CATSPERE: variants seen among roughly 807,000 people sequenced by gnomAD.
CATSPERE encodes the protein cation channel sperm-associated auxiliary subunit epsilon.
CATSPERE carries 93 observed loss-of-function variants against 114.1 expected under a neutral mutation model. The ratio of observed to expected loss-of-function variants is 0.81; its 90% CI spans 0.69 to 0.97. The LOEUF (loss-of-function observed/expected upper bound fraction) is 0.97. CATSPERE is among the 50% of genes least tolerant of loss of function. The pLI, the probability that CATSPERE is intolerant of heterozygous loss-of-function variation, is 0.00. For synonymous variants in CATSPERE, 341 were observed against 384.1 expected (o/e 0.89, Z 1.31); for missense variants, 1,058 against 1,131.6 (o/e 0.93, Z 0.93).
In CATSPERE at chr1:244,640,264, A is replaced by G; in HGVS notation, c.*183A>G. ...CCAAAATAGAAATGTTTTCATATAT[A>G]TTGTTATTAAATTAATCCTTTGTTT... is the stretch of plus-strand genomic sequence containing the variant. On this transcript the variant is annotated 3_prime_UTR_variant, in exon 22 of 22. Coordinates refer to ENST00000366534, the MANE Select transcript of CATSPERE (RefSeq NM_001130957.2). The G allele has an allele frequency of 2.1e-6, 1 of 468,254 alleles. No homozygotes were observed. The highest frequency in any genetic ancestry group is 3.7e-6 in the Non-Finnish European group (1 of 268,378). The allele number at this position is 468,254 out of a possible 1,614,324, so 29.0% of individuals were successfully genotyped here.
At position 244,462,434 on chromosome 1, in the gene CATSPERE, A is replaced by C. The variant is rs563607219; in HGVS notation, c.65+940A>C. 2.4e-4 allele frequency among the ~76,000 whole-genome samples: 37 copies of C among 152,302 alleles called. No homozygotes were observed. The East Asian group carries it at 7.1e-3, about 29-fold the overall frequency. ...CTCTCCCTAGCCTATCCTTAGCCCC[A>C]GTAGGAGTGAGAAGCTGTTGAGGGA... On this transcript the variant is annotated intron_variant, in intron 1 of 21. Transcript: ENST00000366534.
At chr1:244,485,498 G>T (rs565000690) in intron 5 of CATSPERE, among the ~76,000 whole-genome samples, 1 of 151,704 alleles carries the variant, frequency 6.6e-6, no homozygotes, top group African/African-American at 2.4e-5. Flanking sequence ...TTAAATATTC[G>T]TTCTCCCTTA....
chr1:244,591,555 T>G, intron 14 of CATSPERE, 126 bp from the exon 15 acceptor site: 1 of 575,512 alleles, frequency 1.7e-6, no homozygotes, highest in Non-Finnish European at 3.1e-6. Flanking sequence ...AACCAGAGAT[T>G]CTAATTCAGT....
At chr1:244,630,053 C>CA (rs1257756963) in intron 20 of CATSPERE, among the ~76,000 whole-genome samples, 4 of 152,162 alleles carry the variant, frequency 2.6e-5, no homozygotes. Context: ...ATGATGAAAA[C>CA]AAACTCCATG....
At chr1:244,581,267 T>C (rs1340827857) in intron 11 of CATSPERE, among the ~76,000 whole-genome samples, 1 of 152,208 alleles carries the variant, frequency 6.6e-6, no homozygotes. Context: ...CTCACTGATA[T>C]ATTGTGTCAC....
intron 6 of CATSPERE, among the ~76,000 whole-genome samples, chr1:244,490,809 G>A (rs531220942): frequency 1.9e-4 from 29 of 151,708 alleles, no homozygotes; most frequent in Admixed American, 1.6e-3. Context: ...CATTCTTACT[G>A]ATATTTTTCT....
intron 18 of CATSPERE, among the ~76,000 whole-genome samples, chr1:244,606,662 T>G (rs1670048528): frequency 6.8e-6 from 1 of 147,356 alleles, no homozygotes; most frequent in Non-Finnish European, 1.5e-5. Flanking sequence ...AGTGCAGTGG[T>G]GCAGTCTCAG....
At chr1:244,452,256 C>T, upstream of CATSPERE, 1 of 155,878 alleles carries the variant, frequency 6.4e-6, no homozygotes, top group East Asian at 1.9e-4. Flanking sequence ...GCGTGTGGAG[C>T]GTCGGACTAC....
intron 3 of CATSPERE, 39 bp from the exon 4 acceptor site, chr1:244,477,867 G>A: frequency 6.9e-7 from 1 of 1,456,928 alleles, no homozygotes; most frequent in Non-Finnish European, 9.6e-7. Context: ...AATATCATAT[G>A]CACCTATAAT....
At chr1:244,451,818 G>A (rs200480706), upstream of CATSPERE, 30 of 1,581,664 alleles carry the variant, frequency 1.9e-5, no homozygotes, top group Middle Eastern at 4.2e-4. The surrounding 1 kb of genome is among the most constrained non-coding windows in gnomAD (Gnocchi z 6.6). Context: ...CGAACGCCAT[G>A]GCTCCAGTGA....
At chr1:244,587,613 A>C (rs1192293792) in intron 13 of CATSPERE, among the ~76,000 whole-genome samples, 3 of 152,250 alleles carry the variant, frequency 2.0e-5, no homozygotes, top group Non-Finnish European at 4.4e-5. Flanking sequence ...AGCAATTATG[A>C]GTAATGTTTA....
chr1:244,557,308 A>G (rs1267688903), intron 9 of CATSPERE, among the ~76,000 whole-genome samples: 6 of 151,550 alleles, frequency 4.0e-5, no homozygotes, highest in Admixed American at 6.6e-5. Context: ...ATCAGAGTCT[A>G]TAGAAGGTGG....
intron 11 of CATSPERE, among the ~76,000 whole-genome samples, chr1:244,574,889 T>C (rs1665003495): frequency 6.6e-6 from 1 of 152,246 alleles, no homozygotes; most frequent in Non-Finnish European, 1.5e-5. Flanking sequence ...TTATAACTTT[T>C]TTTATGACTT....
intron 2 of CATSPERE, among the ~76,000 whole-genome samples, chr1:244,472,303 G>A (rs1326071794): frequency 6.6e-6 from 1 of 152,146 alleles, no homozygotes; most frequent in African/African-American, 2.4e-5. Context: ...GCATTCCCAT[G>A]AGCAGCAGAG....
chr1:244,612,503 G>A (rs984393462), intron 19 of CATSPERE, among the ~76,000 whole-genome samples: 1 of 152,178 alleles, frequency 6.6e-6, no homozygotes, highest in Admixed American at 6.5e-5. Flanking sequence ...TCCTGGTAAG[G>A]TTGGAGGTTG....
intron 6 of CATSPERE, among the ~76,000 whole-genome samples, chr1:244,492,005 T>C (rs1672260755): frequency 6.6e-6 from 1 of 152,228 alleles, no homozygotes; most frequent in South Asian, 2.1e-4. Flanking sequence ...AGCCCAATTC[T>C]ACCTGAGGTA....
chr1:244,611,500 TGGGA>T (rs1053159378), intron 19 of CATSPERE, among the ~76,000 whole-genome samples: 1 of 151,402 alleles, frequency 6.6e-6, no homozygotes, highest in African/African-American at 2.4e-5. Flanking sequence ...GAAGCTGAGG[TGGGA>T]GGATCACTTG....
chr1:244,582,696 C>G (rs540043806), intron 12 of CATSPERE, among the ~76,000 whole-genome samples: 2 of 152,280 alleles, frequency 1.3e-5, no homozygotes, highest in South Asian at 4.1e-4. Flanking sequence ...GCCACTGCAC[C>G]CGCAGGAAGA....
At chr1:244,560,106 C>T (rs1572752109) in intron 9 of CATSPERE, among the ~76,000 whole-genome samples, 1 of 152,106 alleles carries the variant, frequency 6.6e-6, no homozygotes, top group Non-Finnish European at 1.5e-5. Context: ...GATCCTTCCA[C>T]CTCAGCCTCC....
Sources: gnomAD v4.1 joint callset for allele counts (sites outside exome capture counted in the v4.1 genomes callset) on GRCh38, gnomAD v4.1.1 for gene constraint, Gnocchi (gnomAD v3.1) non-coding constraint, MANE v1.5 for transcripts, NCBI Gene and HGNC (gene_info 2026-07-23, HGNC 2026-07-21) for gene names.